The following PDE11A variants were observed in gnomAD, a reference collection of about 807,000 sequenced individuals.
PDE11A encodes the protein dual 3',5'-cyclic-AMP and -GMP phosphodiesterase 11A.
Under a neutral mutation model 100.5 loss-of-function variants are expected in PDE11A, and 100 were observed. That is an observed-to-expected ratio of 1.00 (90% CI 0.85 to 1.18). The LOEUF (loss-of-function observed/expected upper bound fraction) is 1.18, where lower values mean the gene tolerates loss of function less well. Ranked by LOEUF, PDE11A falls within the 50% of genes most tolerant of loss-of-function variation. The probability of loss-of-function intolerance (pLI) is 0.00; values close to 1 mark genes in which losing one functional copy is unlikely to be tolerated. For synonymous variants in PDE11A, 381 were observed against 420.8 expected (o/e 0.91, Z 1.16); for missense variants, 1,141 against 1,152.6 (o/e 0.99, Z 0.15).
chr2:177,929,837 A>G (rs1310985808), intron 2 of PDE11A, among the ~76,000 whole-genome samples: 1 of 152,214 alleles, frequency 6.6e-6, no homozygotes, highest in East Asian at 1.9e-4. Context: ...GGGACTCTAA[A>G]GACAGCAATA....
intron 4 of PDE11A, among the ~76,000 whole-genome samples, chr2:177,877,218 G>T (rs1476487801): frequency 2.8e-5 from 4 of 145,162 alleles, no homozygotes; most frequent in African/African-American, 1.1e-4. Context: ...AGGCTGGAGT[G>T]CAGTGGCCCA....
intron 5 of PDE11A, among the ~76,000 whole-genome samples, chr2:177,858,163 A>T (rs936875538): frequency 6.6e-6 from 1 of 152,154 alleles, no homozygotes; most frequent in Admixed American, 6.5e-5. Flanking sequence ...AACCTAGGCA[A>T]TACCATTCAG....
chr2:177,657,067 T>A (rs1229492299), intron 19 of PDE11A, among the ~76,000 whole-genome samples: 1 of 152,120 alleles, frequency 6.6e-6, no homozygotes, highest in Non-Finnish European at 1.5e-5. Context: ...GATTTCTTTT[T>A]AAAAAAACAT....
At chr2:177,923,476 ATCC>A (rs2085082954) in intron 2 of PDE11A, among the ~76,000 whole-genome samples, 1 of 152,182 alleles carries the variant, frequency 6.6e-6, no homozygotes, top group African/African-American at 2.4e-5. Flanking sequence ...ATTCTGACCC[ATCC>A]TCCTTTTATC....
intron 2 of PDE11A, among the ~76,000 whole-genome samples, chr2:177,909,539 T>C (rs938118626): frequency 2.6e-5 from 4 of 152,208 alleles, no homozygotes; most frequent in Non-Finnish European, 5.9e-5. Context: ...TCAAATTCCT[T>C]CAATATTTTC....
intron 1 of PDE11A, among the ~76,000 whole-genome samples, chr2:178,021,645 G>T (rs978530985): frequency 6.6e-6 from 1 of 152,132 alleles, no homozygotes; most frequent in African/African-American, 2.4e-5. Context: ...CACCACAAAT[G>T]AGTATAATAG....
chr2:177,940,049 T>C (rs1228751041), intron 2 of PDE11A, among the ~76,000 whole-genome samples: 1 of 152,178 alleles, frequency 6.6e-6, no homozygotes, highest in East Asian at 1.9e-4. Flanking sequence ...TATTTGTGGA[T>C]AAAGTTGAAT....
At chr2:177,906,092 C>G (rs924831744) in intron 2 of PDE11A, among the ~76,000 whole-genome samples, 12 of 152,144 alleles carry the variant, frequency 7.9e-5, no homozygotes, top group Admixed American at 7.2e-4. Flanking sequence ...AAGTGACATA[C>G]TTGGGACTTC....
intron 5 of PDE11A, among the ~76,000 whole-genome samples, chr2:177,853,834 ATATATCTATATAT>A: frequency 2.1e-5 from 3 of 143,530 alleles, no homozygotes; most frequent in African/African-American, 7.6e-5. Context: ...ATGTGTGTAT[ATATATCTATATAT>A]GTGTATATAT....
intron 16 of PDE11A, among the ~76,000 whole-genome samples, chr2:177,677,635 T>A (rs1193812628): frequency 6.6e-6 from 1 of 152,040 alleles, no homozygotes; most frequent in African/African-American, 2.4e-5. Context: ...GGAGACTCAT[T>A]GGAGATGTAA....
At chr2:177,909,204 C>T (rs2084839081) in intron 2 of PDE11A, among the ~76,000 whole-genome samples, 1 of 152,206 alleles carries the variant, frequency 6.6e-6, no homozygotes, top group Non-Finnish European at 1.5e-5. Context: ...AACAAAAACT[C>T]TGCCATTTTA....
intron 16 of PDE11A, 121 bp downstream of exon 16, chr2:177,680,705 G>T: frequency 1.7e-6 from 1 of 600,808 alleles, no homozygotes; most frequent in Non-Finnish European, 3.0e-6. Flanking sequence ...TGAATGTTTT[G>T]AATGTAAGCT....
intron 9 of PDE11A, among the ~76,000 whole-genome samples, chr2:177,793,478 G>A (rs1488572632): frequency 6.7e-6 from 1 of 149,932 alleles, no homozygotes; most frequent in Non-Finnish European, 1.5e-5. Flanking sequence ...GAAAACAGTG[G>A]CTGGATGAGG....
intron 6 of PDE11A, among the ~76,000 whole-genome samples, chr2:177,833,521 A>T (rs1297547917): frequency 6.6e-6 from 1 of 152,210 alleles, no homozygotes; most frequent in Admixed American, 6.5e-5. Context: ...CAGAAGGCCC[A>T]GAGTGTTTTC....
At chr2:178,054,213 T>C (rs1032895083) in intron 1 of PDE11A, among the ~76,000 whole-genome samples, 2 of 152,158 alleles carry the variant, frequency 1.3e-5, no homozygotes, top group African/African-American at 4.8e-5. Flanking sequence ...AACCATCTGA[T>C]CTTTGACAAG....
intron 2 of PDE11A, among the ~76,000 whole-genome samples, chr2:177,962,326 A>C (rs1020117096): frequency 6.6e-6 from 1 of 152,086 alleles, no homozygotes; most frequent in Non-Finnish European, 1.5e-5. Context: ...TGTTCAGTAA[A>C]TAAATGTCCA....
At chr2:177,803,104 A>G (rs911041581) in intron 9 of PDE11A, among the ~76,000 whole-genome samples, 1 of 151,940 alleles carries the variant, frequency 6.6e-6, no homozygotes, top group Non-Finnish European at 1.5e-5. Flanking sequence ...TTTCACTTCA[A>G]GTAAGGACTA....
intron 10 of PDE11A, among the ~76,000 whole-genome samples, chr2:177,732,996 G>A (rs769894779): frequency 6.6e-6 from 1 of 152,208 alleles, no homozygotes; most frequent in African/African-American, 2.4e-5. Context: ...ATCCTGAGCA[G>A]ACAAGCATAA....
chr2:177,764,364 C>T (rs565436210), intron 10 of PDE11A, among the ~76,000 whole-genome samples: 39 of 152,180 alleles, frequency 2.6e-4, no homozygotes, highest in African/African-American at 9.2e-4. Flanking sequence ...TGATTGCAGC[C>T]GTAACCCATG....
Sources: gnomAD v4.1 joint callset for allele counts (sites outside exome capture counted in the v4.1 genomes callset) on GRCh38, gnomAD v4.1.1 for gene constraint, MANE v1.5 for transcripts, NCBI Gene and HGNC (gene_info 2026-07-23, HGNC 2026-07-21) for gene names.